The following SUGCT variants were observed in gnomAD, a reference collection of about 807,000 sequenced individuals.
SUGCT encodes the protein succinyl-CoA:glutarate CoA-transferase.
Under a neutral mutation model 55.0 loss-of-function variants are expected in SUGCT, and 41 were observed. The observed-to-expected ratio is 0.74, with a 90% CI of 0.58 to 0.97. The LOEUF (loss-of-function observed/expected upper bound fraction) is 0.97. SUGCT is among the 50% of genes least tolerant of loss of function. SUGCT has a pLI of 0.00. For synonymous variants in SUGCT, 187 were observed against 200.4 expected (o/e 0.93, Z 0.56); for missense variants, 568 against 547.8 (o/e 1.04, Z -0.37).
At chr7:40,230,337 T>C (rs1033645288) in intron 6 of SUGCT, among the ~76,000 whole-genome samples, 1 of 152,182 alleles carries the variant, frequency 6.6e-6, no homozygotes, top group African/African-American at 2.4e-5. Flanking sequence ...AGATAAGATA[T>C]AGGTAGTGAG....
At chr7:40,201,467 G>T (rs527782675) in intron 6 of SUGCT, among the ~76,000 whole-genome samples, 1 of 152,294 alleles carries the variant, frequency 6.6e-6, no homozygotes, top group South Asian at 2.1e-4. Context: ...AATTATGAGT[G>T]TCTCTGTTGC....
intron 12 of SUGCT, among the ~76,000 whole-genome samples, chr7:40,723,859 T>C (rs922463184): frequency 2.0e-5 from 3 of 152,210 alleles, no homozygotes; most frequent in African/African-American, 7.2e-5. Flanking sequence ...TGGGATCTCG[T>C]TCACCTCTAT....
the SUGCT span, among the ~76,000 whole-genome samples, chr7:40,957,777 G>A: frequency 6.6e-6 from 1 of 151,994 alleles, no homozygotes; most frequent in African/African-American, 2.4e-5. Context: ...TTACATTTTT[G>A]TATGTTGTTG....
chr7:40,142,674 T>C (rs942543176), intron 1 of SUGCT, among the ~76,000 whole-genome samples: 29 of 152,214 alleles, frequency 1.9e-4, no homozygotes, highest in African/African-American at 4.1e-4. Flanking sequence ...GGCTAACTCA[T>C]TGGACACAGC....
At chr7:40,583,271 A>C (rs978209418) in intron 12 of SUGCT, among the ~76,000 whole-genome samples, 1 of 152,186 alleles carries the variant, frequency 6.6e-6, no homozygotes, top group Non-Finnish European at 1.5e-5. Context: ...CAGAATCTTC[A>C]TTGTTAATTT....
At chr7:40,882,043 A>G in the SUGCT span, among the ~76,000 whole-genome samples, 90 of 152,284 alleles carry the variant, frequency 5.9e-4, no homozygotes, top group African/African-American at 2.0e-3. Context: ...GTTTCCTTTT[A>G]GACAAAGTAT....
chr7:40,319,331 T>A (rs1010796640), intron 9 of SUGCT, among the ~76,000 whole-genome samples: 34 of 152,292 alleles, frequency 2.2e-4, no homozygotes, highest in Non-Finnish European at 2.8e-4. Flanking sequence ...CCAAGATGGG[T>A]CCTAGATATG....
chr7:40,306,393 T>C (rs2151088573), intron 8 of SUGCT, among the ~76,000 whole-genome samples: 2 of 152,350 alleles, frequency 1.3e-5, no homozygotes, highest in African/African-American at 4.8e-5. Context: ...GCATTGATCA[T>C]TTCTATTCTG....
At chr7:40,238,398 G>A (rs542735717) in intron 7 of SUGCT, among the ~76,000 whole-genome samples, 3 of 151,740 alleles carry the variant, frequency 2.0e-5, no homozygotes, top group Non-Finnish European at 2.9e-5. Context: ...AAAGGCTCTC[G>A]GGGAAAGCAA....
chr7:40,376,279 T>G (rs1004493133), intron 9 of SUGCT, among the ~76,000 whole-genome samples: 1 of 152,242 alleles, frequency 6.6e-6, no homozygotes, highest in Non-Finnish European at 1.5e-5. Context: ...TATATAGCAT[T>G]AATGTATTTA....
At chr7:40,528,013 G>T (rs1415727650) in intron 12 of SUGCT, among the ~76,000 whole-genome samples, 2 of 152,166 alleles carry the variant, frequency 1.3e-5, no homozygotes, top group Non-Finnish European at 2.9e-5. Context: ...ACAACAGGAT[G>T]AGTTTGCCTG....
intron 7 of SUGCT, among the ~76,000 whole-genome samples, chr7:40,240,529 G>A (rs1459285373): frequency 3.3e-5 from 5 of 151,870 alleles, no homozygotes; most frequent in Non-Finnish European, 5.9e-5. Context: ...CATGCTGGGA[G>A]TCCCCCTTAA....
chr7:40,383,093 A>G (rs910766940), intron 9 of SUGCT, among the ~76,000 whole-genome samples: 1 of 152,220 alleles, frequency 6.6e-6, no homozygotes, highest in South Asian at 2.1e-4. Flanking sequence ...GATTTGATGT[A>G]GTCATGGCCC....
chr7:40,445,323 C>G (rs1788761579), intron 9 of SUGCT, among the ~76,000 whole-genome samples: 1 of 152,096 alleles, frequency 6.6e-6, no homozygotes, highest in Non-Finnish European at 1.5e-5. Context: ...GATATCACCA[C>G]TGATCCCACA....
intron 9 of SUGCT, among the ~76,000 whole-genome samples, chr7:40,405,326 A>G (rs901013238): frequency 6.6e-5 from 10 of 152,352 alleles, no homozygotes; most frequent in Admixed American, 3.9e-4. Context: ...TTATATAAAT[A>G]TCGACCACAG....
chr7:40,684,862 G>A (rs1195529176), intron 12 of SUGCT, among the ~76,000 whole-genome samples: 4 of 152,090 alleles, frequency 2.6e-5, no homozygotes, highest in African/African-American at 9.7e-5. Flanking sequence ...ACAGAATCCT[G>A]CTGTGTTGCC....
At chr7:40,731,924 T>G (rs1405507335) in intron 12 of SUGCT, among the ~76,000 whole-genome samples, 5 of 152,216 alleles carry the variant, frequency 3.3e-5, no homozygotes, top group African/African-American at 1.2e-4. Context: ...CGGTCTTTGT[T>G]TTTTAAATGG....
chr7:40,904,064 T>G, the SUGCT span, among the ~76,000 whole-genome samples: 14 of 152,156 alleles, frequency 9.2e-5, no homozygotes. Context: ...TCTGGCAGGG[T>G]TCTCGCCAGC....
intron 11 of SUGCT, among the ~76,000 whole-genome samples, chr7:40,484,267 T>C (rs952173374): frequency 2.0e-5 from 3 of 152,334 alleles, no homozygotes; most frequent in East Asian, 3.9e-4. Context: ...AATACTTCAA[T>C]TTTTCATATT....
Sources: allele counts gnomAD v4.1 joint callset (sites outside exome capture counted in the v4.1 genomes callset), GRCh38; gene constraint gnomAD v4.1.1; transcripts MANE v1.5; gene names NCBI Gene and HGNC (gene_info 2026-07-23, HGNC 2026-07-21).